The following PDE11A variants were observed in gnomAD, a reference collection of about 807,000 sequenced individuals.
PDE11A encodes the protein phosphodiesterase 11A, also known as dual 3',5'-cyclic-AMP and -GMP phosphodiesterase 11A.
A neutral mutation model predicts 100.5 loss-of-function variants in PDE11A; 100 were observed. The observed-to-expected ratio is 1.00, with a 90% CI of 0.85 to 1.18. PDE11A has a LOEUF of 1.18. Among genes scored for constraint, PDE11A ranks in the 50% most tolerant of loss-of-function variants. The probability of loss-of-function intolerance (pLI) is 0.00; values close to 1 mark genes in which losing one functional copy is unlikely to be tolerated. For missense variants in PDE11A, 1,141 were observed against 1,152.6 expected (o/e 0.99, Z 0.15); for synonymous variants, 381 against 420.8 (o/e 0.91, Z 1.16).
At chr2:178,089,744 T>C (rs1042782504) in intron 2 of PDE11A, among the ~76,000 whole-genome samples, 3 of 152,138 alleles carry the variant, frequency 2.0e-5, no homozygotes, top group African/African-American at 4.8e-5. Flanking sequence ...AAGGTTGTTG[T>C]AGATCAGCAG....
chr2:177,699,010 G>T (rs1224651218), intron 14 of PDE11A, among the ~76,000 whole-genome samples: 1 of 152,060 alleles, frequency 6.6e-6, no homozygotes, highest in Non-Finnish European at 1.5e-5. Context: ...GAGATATGAA[G>T]AAATCTGGTC....
intron 4 of PDE11A, among the ~76,000 whole-genome samples, chr2:177,897,571 G>C (rs769706143): frequency 6.6e-5 from 10 of 152,210 alleles, no homozygotes; most frequent in Non-Finnish European, 1.2e-4. Context: ...CATTCTGCTC[G>C]AGTCCAGTTT....
intron 15 of PDE11A, among the ~76,000 whole-genome samples, chr2:177,686,090 G>A (rs1304051364): frequency 6.6e-6 from 1 of 152,150 alleles, no homozygotes; most frequent in East Asian, 1.9e-4. Flanking sequence ...CCTTTTCATT[G>A]GGTATATCAA....
Position 177,996,957 on chromosome 2 carries a change from T to C in PDE11A, c.1071+17345A>G, listed in dbSNP as rs1270084259. Among the ~76,000 whole-genome samples the C allele has an allele frequency of 2.0e-5, 3 of 152,240 alleles. No individual in the cohort carries two copies. In the East Asian group the frequency reaches 5.8e-4, roughly 29 times the overall value. On this transcript the variant is annotated intron_variant, in intron 2 of 19. Transcript: ENST00000286063. ...TCACAATTTGAAGTCTGAATAATGA[T>C]ATTGCAAAAACAACTCAATATTGCA...
At chr2:177,666,342 T>C (rs2080581895) in intron 18 of PDE11A, among the ~76,000 whole-genome samples, 1 of 152,270 alleles carries the variant, frequency 6.6e-6, no homozygotes, top group Non-Finnish European at 1.5e-5. Flanking sequence ...CAGGATATTA[T>C]GAATAATAGC....
At chr2:177,806,028 G>C (rs1422207419) in intron 9 of PDE11A, among the ~76,000 whole-genome samples, 3 of 152,166 alleles carry the variant, frequency 2.0e-5, no homozygotes, top group African/African-American at 7.2e-5. Flanking sequence ...TGCCATCATA[G>C]AGCAACTCCT....
At chr2:177,962,949 T>C (rs2085653337) in intron 2 of PDE11A, among the ~76,000 whole-genome samples, 1 of 152,186 alleles carries the variant, frequency 6.6e-6, no homozygotes, top group African/African-American at 2.4e-5. Context: ...TGAACTGTTA[T>C]TTCCCGAAGA....
At chr2:178,022,260 G>A (rs1303764057) in intron 1 of PDE11A, among the ~76,000 whole-genome samples, 1 of 152,306 alleles carries the variant, frequency 6.6e-6, no homozygotes, top group Admixed American at 6.5e-5. Context: ...TTGGAAGGCT[G>A]TGAAAGTTAG....
chr2:177,917,463 A>C (rs1261520075), intron 2 of PDE11A, among the ~76,000 whole-genome samples: 1 of 152,240 alleles, frequency 6.6e-6, no homozygotes, highest in Admixed American at 6.5e-5. Context: ...CAGGAAAGCT[A>C]TAAATTTAAA....
At chr2:177,741,535 A>G (rs1340285812) in intron 10 of PDE11A, among the ~76,000 whole-genome samples, 1 of 152,224 alleles carries the variant, frequency 6.6e-6, no homozygotes, top group Non-Finnish European at 1.5e-5. Context: ...TAGAAATTCA[A>G]AATAAATGTT....
intron 2 of PDE11A, among the ~76,000 whole-genome samples, chr2:177,980,617 G>T (rs558787778): frequency 6.6e-6 from 1 of 150,852 alleles, no homozygotes; most frequent in East Asian, 1.9e-4. Flanking sequence ...GAAGACATTG[G>T]TTGGATTTTT....
intron 2 of PDE11A, among the ~76,000 whole-genome samples, chr2:178,082,967 G>A (rs2087305186): frequency 6.6e-6 from 1 of 152,140 alleles, no homozygotes; most frequent in African/African-American, 2.4e-5. Context: ...AGGTTACTCT[G>A]ATCCCCTTGG....
At position 177,745,516 on chromosome 2, in the gene PDE11A, C is replaced by A. The variant is rs73030338; in HGVS notation, c.1789-17344G>T. ...AGAATCCTTATTTCTTAAACATTCC[C>A]CAGGTGATGCCAGTGAGATGCCAGG... On this transcript the variant is annotated intron_variant, in intron 10 of 19. Transcript: ENST00000286063. Among the ~76,000 whole-genome samples the A allele has an allele frequency of 2.5e-3, 381 of 152,236 alleles. 8 individuals are homozygous for A. The East Asian group carries it at 0.065, about 26-fold the overall frequency.
intron 7 of PDE11A, among the ~76,000 whole-genome samples, chr2:177,819,536 A>G (rs1189447019): frequency 1.3e-5 from 2 of 151,982 alleles, no homozygotes; most frequent in Non-Finnish European, 2.9e-5. Context: ...CTTGAATTTG[A>G]TGCTTTCCTA....
rs569080316 is a variant in PDE11A, at chr2:177,629,112, C to T, written c.*295G>A. 3 of 451,514 alleles carry T rather than the reference C, an allele frequency of 6.6e-6. No homozygotes were observed. The East Asian group carries it at 1.4e-4, about 21-fold the overall frequency. 28.0% of individuals were successfully genotyped at this position (451,514 alleles called of 1,614,324 possible). A position where few individuals can be genotyped will look rare whatever the true frequency, so the allele number is the denominator to read the frequency against. ...TCAGAGTAAGTAGGCCGACTGTCCA[C>T]AGGTCCTTGGATCCAAAACAGTCCC... On this transcript the variant is annotated 3_prime_UTR_variant, in exon 20 of 20. Coordinates refer to ENST00000286063, the MANE Select transcript of PDE11A (RefSeq NM_016953.4).
intron 14 of PDE11A, among the ~76,000 whole-genome samples, chr2:177,700,100 G>C (rs2081174603): frequency 6.6e-6 from 1 of 152,154 alleles, no homozygotes; most frequent in Non-Finnish European, 1.5e-5. Flanking sequence ...GCTTCTGCCA[G>C]TTACTGAGAG....
At chr2:177,937,861 G>A (rs1196844309) in intron 2 of PDE11A, among the ~76,000 whole-genome samples, 4 of 152,036 alleles carry the variant, frequency 2.6e-5, no homozygotes, top group African/African-American at 9.7e-5. Flanking sequence ...AGAGAAAAAG[G>A]CTATAGATTT....
At chr2:177,963,941 T>C (rs2085666305) in intron 2 of PDE11A, among the ~76,000 whole-genome samples, 2 of 152,148 alleles carry the variant, frequency 1.3e-5, no homozygotes, top group African/African-American at 2.4e-5. Flanking sequence ...TCATCGTGAG[T>C]GGATTCTGCA....
intron 9 of PDE11A, among the ~76,000 whole-genome samples, chr2:177,810,857 T>C (rs1283979926): frequency 6.6e-6 from 1 of 152,124 alleles, no homozygotes; most frequent in Non-Finnish European, 1.5e-5. Context: ...GTAGGATGGT[T>C]GCTGTCACAA....
Sources: allele counts gnomAD v4.1 joint callset (sites outside exome capture counted in the v4.1 genomes callset), GRCh38; gene constraint gnomAD v4.1.1; transcripts MANE v1.5; gene names NCBI Gene and HGNC (gene_info 2026-07-23, HGNC 2026-07-21).